Variants in TBL1XR1 observed in about 807,000 individuals in gnomAD.
The protein encoded by TBL1XR1 is TBL1X/Y related 1.
In TBL1XR1, 5 loss-of-function variants were observed where a neutral mutation model predicts 66.9. That is an observed-to-expected ratio of 0.07 (90% confidence interval 0.04 to 0.16). TBL1XR1 has a LOEUF of 0.16. Among genes scored for constraint, TBL1XR1 ranks in the 10% least tolerant of loss-of-function variants. The pLI is 1.00. For missense variants in TBL1XR1, 238 were observed against 623.2 expected (o/e 0.38, Z 6.58); for synonymous variants, 210 against 206.0 (o/e 1.02, Z -0.17).
chr3:177,135,847 T>A (rs900980119), intron 1 of TBL1XR1, among the ~76,000 whole-genome samples: 16 of 151,682 alleles, frequency 1.1e-4, no homozygotes, highest in South Asian at 2.1e-4. Flanking sequence ...GTTTTTTTTT[T>A]AAACCATGTA....
intron 2 of TBL1XR1, among the ~76,000 whole-genome samples, chr3:177,070,951 A>G (rs1719900980): frequency 6.6e-6 from 1 of 152,074 alleles, no homozygotes; most frequent in Non-Finnish European, 1.5e-5. Context: ...AATCTGTATT[A>G]CAATAGAAAG....
At chr3:177,166,988 T>C (rs775053872) in intron 1 of TBL1XR1, among the ~76,000 whole-genome samples, 1 of 152,194 alleles carries the variant, frequency 6.6e-6, no homozygotes, top group African/African-American at 2.4e-5. Flanking sequence ...CCAGCAAACA[T>C]TTCCTTGGTA....
intron 3 of TBL1XR1, among the ~76,000 whole-genome samples, chr3:177,059,293 A>G (rs549424881): frequency 3.9e-5 from 6 of 152,332 alleles, no homozygotes; most frequent in African/African-American, 9.6e-5. Context: ...CTGAGTCAAC[A>G]AAGAAACTGC....
intron 2 of TBL1XR1, among the ~76,000 whole-genome samples, chr3:177,067,923 T>A (rs1386442241): frequency 6.6e-6 from 1 of 152,172 alleles, no homozygotes; most frequent in African/African-American, 2.4e-5. Flanking sequence ...TACTAAATAC[T>A]AGGAATCAGA....
chr3:177,101,496 G>A (rs1724207538), intron 1 of TBL1XR1, among the ~76,000 whole-genome samples: 1 of 152,178 alleles, frequency 6.6e-6, no homozygotes, highest in South Asian at 2.1e-4. Flanking sequence ...AGAGGAATTA[G>A]TATTAAGATA....
intron 1 of TBL1XR1, among the ~76,000 whole-genome samples, chr3:177,126,331 A>C (rs1727628223): frequency 6.6e-6 from 1 of 152,254 alleles, no homozygotes. Flanking sequence ...ACTATGCTGA[A>C]TCATCTAACA....
chr3:177,024,618 A>T lies in TBL1XR1; in HGVS notation c.*880T>A, dbSNP rs1419389663. 2.6e-5 allele frequency: 4 copies of T among 151,316 alleles called. No individual in the cohort carries two copies. Among genetic ancestry groups the T allele is most frequent in the African/African-American group, 9.7e-5 (4 of 41,240 alleles). The allele number at this position is 151,316 out of a possible 1,614,324, so 9.4% of individuals were successfully genotyped here. On this transcript the variant is annotated 3_prime_UTR_variant, in exon 16 of 16. Coordinates refer to ENST00000457928, the MANE Select transcript of TBL1XR1 (RefSeq NM_024665.7). ...TAATGTATCTTCTCTATGGTAATTA[A>T]AAAAAAAGTTGTGCCCTTCTAGTCT...
At position 177,047,534 on chromosome 3, in the gene TBL1XR1, G is replaced by C; in HGVS notation, c.718C>G (p.Leu240Val). 6.2e-7 allele frequency: 1 copy of C among 1,612,916 alleles called. No homozygotes were observed. The highest frequency in any genetic ancestry group is 8.5e-7 in the Non-Finnish European group (1 of 1,179,314). Residue 240 changes from leucine (L) to valine (V), a missense_variant, in exon 8 of 16, where the codon CTA (leucine) becomes GTA (valine). Around this residue, in one of 8 missense-constraint regions of TBL1XR1, gnomAD observed 26 missense variants for 103.7 expected, o/e 0.25. Coordinates refer to ENST00000457928, the MANE Select transcript of TBL1XR1 (RefSeq NM_024665.7). ...AACCCATCATAGGAACCAGTTGCTAGAAGTGTACCTTCACTCTGCCAGAGA... is the reference window on the plus strand; with the variant it reads ...AACCCATCATAGGAACCAGTTGCTACAAGTGTACCTTCACTCTGCCAGAGA... ...SLDWNSEGTL[L>V]ATGSYDGFAR...
At chr3:177,072,861 C>T (rs571840639) in intron 2 of TBL1XR1, among the ~76,000 whole-genome samples, 8 of 152,204 alleles carry the variant, frequency 5.3e-5, no homozygotes, top group South Asian at 4.1e-4. Context: ...GTCAGGAGTT[C>T]GAGACCAGCC....
chr3:177,104,434 C>T (rs1270046287), intron 1 of TBL1XR1, among the ~76,000 whole-genome samples: 1 of 152,168 alleles, frequency 6.6e-6, no homozygotes, highest in East Asian at 1.9e-4. Flanking sequence ...GCATTACATC[C>T]TCCACTGTCC....
At chr3:177,049,666 AT>A (rs1381903165) in intron 7 of TBL1XR1, among the ~76,000 whole-genome samples, 9 of 152,166 alleles carry the variant, frequency 5.9e-5, no homozygotes, top group Non-Finnish European at 1.2e-4. Context: ...TATGGTAAGA[AT>A]TTTCACCTAT....
chr3:177,173,231 G>A (rs560306401), intron 1 of TBL1XR1, among the ~76,000 whole-genome samples: 15 of 152,232 alleles, frequency 9.9e-5, no homozygotes, highest in African/African-American at 1.7e-4. Flanking sequence ...CTTAATTACC[G>A]TGGTGATTTT....
chr3:177,166,041 G>A (rs1732781022), intron 1 of TBL1XR1, among the ~76,000 whole-genome samples: 1 of 152,094 alleles, frequency 6.6e-6, no homozygotes. Flanking sequence ...AGGAAGCCAA[G>A]ATAACCTCAC....
intron 1 of TBL1XR1, among the ~76,000 whole-genome samples, chr3:177,129,751 A>T (rs1446924273): frequency 6.6e-6 from 1 of 152,206 alleles, no homozygotes; most frequent in Non-Finnish European, 1.5e-5. Flanking sequence ...GGCAAAGATA[A>T]GAAGTTTTAT....
chr3:177,056,265 T>C lies in TBL1XR1; in HGVS notation c.59-2347A>G, dbSNP rs1413485774. On this transcript the variant is annotated intron_variant, in intron 3 of 15. Transcript: ENST00000457928. ...TGACTGCAATTTAAATAGTCAAAAT[T>C]GTTAAATTTGGACCCTATTTAATTA... Among the ~76,000 whole-genome samples the C allele has an allele frequency of 5.3e-5, 8 of 152,242 alleles. No homozygotes were observed. The East Asian group carries it at 1.5e-3, about 29-fold the overall frequency.
chr3:177,086,053 C>G (rs1269388795), intron 2 of TBL1XR1, among the ~76,000 whole-genome samples: 3 of 151,600 alleles, frequency 2.0e-5, no homozygotes, highest in Non-Finnish European at 4.4e-5. Flanking sequence ...AACACAGTCC[C>G]AATATCTAAT....
intron 1 of TBL1XR1, among the ~76,000 whole-genome samples, chr3:177,172,208 C>G (rs997349558): frequency 4.2e-5 from 6 of 143,588 alleles, no homozygotes; most frequent in African/African-American, 1.5e-4. Context: ...CTGCAGTGAG[C>G]CAAGATTGCG....
intron 1 of TBL1XR1, among the ~76,000 whole-genome samples, chr3:177,101,113 T>C (rs1252080474): frequency 6.6e-6 from 1 of 152,128 alleles, no homozygotes; most frequent in Non-Finnish European, 1.5e-5. Context: ...CGCCTCAGCC[T>C]CCCAAACTGC....
intron 6 of TBL1XR1, 104 bp from the exon 7 acceptor site, chr3:177,050,242 T>A: frequency 7.1e-7 from 1 of 1,412,226 alleles, no homozygotes; most frequent in Non-Finnish European, 9.6e-7. Flanking sequence ...TAAAAACGAC[T>A]ATCACGAATT....
Sources: gnomAD v4.1 joint callset for allele counts (sites outside exome capture counted in the v4.1 genomes callset) on GRCh38, gnomAD v4.1.1 for gene constraint, gnomAD v4.1.1 regional missense constraint, MANE v1.5 for transcripts, NCBI Gene and HGNC (gene_info 2026-07-23, HGNC 2026-07-21) for gene names.